The following RYR3 variants were observed in gnomAD, a reference collection of about 807,000 sequenced individuals.
RYR3 encodes the protein brain ryanodine receptor-calcium release channel.
In RYR3, 207 loss-of-function variants were observed where a neutral mutation model predicts 584.3. The observed-to-expected ratio is 0.35, with a 90% CI of 0.32 to 0.40. The LOEUF (loss-of-function observed/expected upper bound fraction) is 0.40. Ranked by LOEUF, RYR3 falls within the 10% of genes least tolerant of loss-of-function variation. The pLI, the probability that RYR3 is intolerant of heterozygous loss-of-function variation, is 1.00. For missense variants in RYR3, 5,616 were observed against 6,089.2 expected, an observed-to-expected ratio of 0.92 and a Z score of 2.59; for synonymous variants, 2,416 against 2,248.5, an observed-to-expected ratio of 1.07 and a Z score of -2.11.
At chr15:33,755,599 G>C (rs1295601665) in intron 58 of RYR3, among the ~76,000 whole-genome samples, 2 of 151,992 alleles carry the variant, frequency 1.3e-5, no homozygotes, top group South Asian at 2.1e-4. Context: ...CCTGGGGACA[G>C]AGTAAGATTC....
intron 27 of RYR3, among the ~76,000 whole-genome samples, chr15:33,640,039 C>T (rs922045280): frequency 2.1e-5 from 3 of 145,090 alleles, no homozygotes; most frequent in East Asian, 3.1e-4. Context: ...CTCTGCCAGG[C>T]ACTCCCCTGA....
Position 33,707,197 on chromosome 15 carries a change from C to T in RYR3, c.6619+143C>T, listed in dbSNP as rs1329881863. 3 of 957,372 alleles carry T rather than the reference C, an allele frequency of 3.1e-6. No homozygotes were observed. The East Asian group carries it at 7.9e-5, about 25-fold the overall frequency. 59.3% of individuals were successfully genotyped at this position (957,372 alleles called of 1,614,324 possible). A position where few individuals can be genotyped will look rare whatever the true frequency, so the allele number is the denominator to read the frequency against. On this transcript the variant is annotated intron_variant, in intron 43 of 103. Coordinates refer to ENST00000634891, the MANE Select transcript of RYR3 (RefSeq NM_001036.6). ...GCAAGAGAAATCTTAGGGAGAATCA[C>T]AGGTGTTTGGTGGCTGGCAAGAGAA...
intron 1 of RYR3, among the ~76,000 whole-genome samples, chr15:33,399,390 C>T (rs2042495137): frequency 6.6e-6 from 1 of 152,140 alleles, no homozygotes; most frequent in African/African-American, 2.4e-5. Flanking sequence ...TGTACAATCC[C>T]AGAACTTTGG....
chr15:33,435,638 A>C (rs1264341720), intron 1 of RYR3, among the ~76,000 whole-genome samples: 2 of 152,114 alleles, frequency 1.3e-5, no homozygotes, highest in Non-Finnish European at 2.9e-5. Context: ...GCTCTTGCTA[A>C]CTTCAAGAAT....
At chr15:33,690,406 A>T (rs545115400) in intron 38 of RYR3, among the ~76,000 whole-genome samples, 1 of 152,344 alleles carries the variant, frequency 6.6e-6, no homozygotes, top group Non-Finnish European at 1.5e-5. Flanking sequence ...CAATTTTCAA[A>T]ATAATGATTC....
chr15:33,625,245 A>T (rs1315306312), intron 20 of RYR3, among the ~76,000 whole-genome samples: 1 of 151,540 alleles, frequency 6.6e-6, no homozygotes, highest in Non-Finnish European at 1.5e-5. Flanking sequence ...CAAGGGGGGA[A>T]GGCTGCCCCT....
intron 45 of RYR3, among the ~76,000 whole-genome samples, chr15:33,725,154 T>TATAC (rs1491320205): frequency 8.8e-6 from 1 of 113,846 alleles, no homozygotes; most frequent in Non-Finnish European, 1.8e-5. Flanking sequence ...TCCAACACCT[T>TATAC]ACACACACAC....
At chr15:33,850,582 A>G (rs1219388435) in intron 94 of RYR3, 2 of 150,706 alleles carry the variant, frequency 1.3e-5, no homozygotes, top group Admixed American at 6.6e-5. Flanking sequence ...TTTTTTCACA[A>G]TGGCATCATA....
intron 2 of RYR3, among the ~76,000 whole-genome samples, chr15:33,485,245 A>AGG (rs1318528122): frequency 6.6e-6 from 1 of 152,210 alleles, no homozygotes; most frequent in Admixed American, 6.5e-5. Context: ...TTTCAATGGC[A>AGG]TGTGGTGAGG....
chr15:33,637,588 A>C (rs1170435861), intron 27 of RYR3, among the ~76,000 whole-genome samples: 1 of 152,256 alleles, frequency 6.6e-6, no homozygotes, highest in African/African-American at 2.4e-5. Context: ...GTAGCCCTAC[A>C]TTTCTGAGAC....
chr15:33,479,426 TTAA>T (rs869287579), intron 2 of RYR3, among the ~76,000 whole-genome samples: 43 of 147,676 alleles, frequency 2.9e-4, no homozygotes, highest in East Asian at 5.9e-4. Flanking sequence ...TTATAAAACT[TTAA>T]AAAAAAAAAA....
At chr15:33,439,363 A>G (rs906590072) in intron 1 of RYR3, among the ~76,000 whole-genome samples, 1 of 152,186 alleles carries the variant, frequency 6.6e-6, no homozygotes, top group African/African-American at 2.4e-5. Context: ...GGCTACGTCA[A>G]GTGTTTTATC....
At chr15:33,553,242 A>C (rs1298297331) in intron 10 of RYR3, among the ~76,000 whole-genome samples, 1 of 152,176 alleles carries the variant, frequency 6.6e-6, no homozygotes, top group African/African-American at 2.4e-5. Flanking sequence ...CTGGGGCTTT[A>C]GTCATGTGTT....
intron 1 of RYR3, among the ~76,000 whole-genome samples, chr15:33,405,087 T>C (rs1327795270): frequency 2.6e-5 from 4 of 152,196 alleles, no homozygotes; most frequent in Non-Finnish European, 5.9e-5. Context: ...ATAATGTTTA[T>C]GGAAACATTA....
chr15:33,634,778 G>C, intron 25 of RYR3, 45 bp downstream of exon 25: 1 of 1,571,640 alleles, frequency 6.4e-7, no homozygotes. Flanking sequence ...TTACTAAACA[G>C]GTCCTCTTCT....
At chr15:33,735,159 C>G (rs924906582) in intron 48 of RYR3, among the ~76,000 whole-genome samples, 19 of 152,138 alleles carry the variant, frequency 1.2e-4, no homozygotes, top group Non-Finnish European at 2.8e-4. Flanking sequence ...CACAGAATTA[C>G]AGACTTATTG....
intron 1 of RYR3, among the ~76,000 whole-genome samples, chr15:33,345,486 A>T (rs918317669): frequency 3.3e-5 from 5 of 152,138 alleles, no homozygotes; most frequent in Admixed American, 2.6e-4. Context: ...CTAAAGGCCC[A>T]TGTTCCTGGA....
Position 33,821,267 on chromosome 15 carries a change from CA to C in RYR3, c.10816-2del. 6.3e-7 allele frequency: 1 copy of C among 1,587,246 alleles called. No homozygotes were observed. Among genetic ancestry groups the C allele is most frequent in the South Asian group, 1.2e-5 (1 of 86,512 alleles). ...CTTTCCCTGTGATTTTTTTTCCCCCCAGGAGAAAGAGATGGAGAAGCAAAAA... is the reference window on the plus strand; with the variant it reads ...CTTTCCCTGTGATTTTTTTTCCCCCCGGAGAAAGAGATGGAGAAGCAAAAA... On this transcript the variant is annotated splice_acceptor_variant, in intron 78 of 103. Coordinates refer to ENST00000634891, the MANE Select transcript of RYR3 (RefSeq NM_001036.6). LOFTEE classifies it high-confidence loss of function.
intron 10 of RYR3, among the ~76,000 whole-genome samples, chr15:33,554,291 CTTTTT>C (rs71117147): frequency 0.51 from 64,203 of 125,922 alleles, 16,296 homozygotes; most frequent in Middle Eastern, 0.76. Flanking sequence ...CCTCCATTAT[CTTTTT>C]TTTTTTTTTT....
Sources: gnomAD v4.1 joint callset for allele counts (sites outside exome capture counted in the v4.1 genomes callset) on GRCh38, gnomAD v4.1.1 for gene constraint, MANE v1.5 for transcripts, NCBI Gene and HGNC (gene_info 2026-07-23, HGNC 2026-07-21) for gene names.